CACNA1C: variants seen among roughly 807,000 people sequenced by gnomAD.
CACNA1C encodes calcium voltage-gated channel subunit alpha1 C, also known as voltage-dependent L-type calcium channel subunit alpha-1C.
In CACNA1C, 30 loss-of-function variants were observed where a neutral mutation model predicts 229.0. That is an observed-to-expected ratio of 0.13 (90% CI 0.10 to 0.18). CACNA1C has a LOEUF of 0.18. CACNA1C is among the 10% of genes least tolerant of loss of function. The pLI is 1.00. For synonymous variants in CACNA1C, 1,114 were observed against 1,132.5 expected, an observed-to-expected ratio of 0.98 and a Z score of 0.33; for missense variants, 1,658 against 2,845.0, an observed-to-expected ratio of 0.58 and a Z score of 9.49.
At chr12:2,155,989 C>T (rs146505523) in intron 3 of CACNA1C, among the ~76,000 whole-genome samples, 2,249 of 151,932 alleles carry the variant, frequency 0.015, 32 homozygotes, top group African/African-American at 0.034. Flanking sequence ...AGAGTAAAGA[C>T]GCAAATAAAA....
At chr12:2,643,907 C>A (rs977394524) in intron 30 of CACNA1C, among the ~76,000 whole-genome samples, 4 of 152,164 alleles carry the variant, frequency 2.6e-5, no homozygotes, top group African/African-American at 9.7e-5. Context: ...CACCATGACA[C>A]CCCCCAACAG....
intron 3 of CACNA1C, among the ~76,000 whole-genome samples, chr12:2,207,323 T>G (rs950697750): frequency 6.6e-6 from 1 of 152,256 alleles, no homozygotes; most frequent in African/African-American, 2.4e-5. Flanking sequence ...GCTGACGGGC[T>G]TCTGCACATT....
chr12:2,137,934 G>A (rs537158170), intron 3 of CACNA1C, among the ~76,000 whole-genome samples: 24 of 151,488 alleles, frequency 1.6e-4, no homozygotes, highest in South Asian at 1.5e-3. Context: ...CCGACACATC[G>A]CCTCACACAG....
chr12:2,415,195 T>C (rs563729037), intron 3 of CACNA1C, among the ~76,000 whole-genome samples: 46 of 152,354 alleles, frequency 3.0e-4, no homozygotes, highest in African/African-American at 1.1e-3. Flanking sequence ...ATTTGCCTTT[T>C]TATTCTCCTT....
chr12:2,454,158 C>A (rs993799805), intron 4 of CACNA1C, among the ~76,000 whole-genome samples: 1 of 152,178 alleles, frequency 6.6e-6, no homozygotes. Flanking sequence ...CTTTGAGTCA[C>A]CCCTCCTTGT....
intron 3 of CACNA1C, among the ~76,000 whole-genome samples, chr12:2,249,572 CTCCTCTG>C (rs2074734372): frequency 6.6e-6 from 1 of 152,148 alleles, no homozygotes. Flanking sequence ...CCTGCTGGTA[CTCCTCTG>C]CAGTTCGTCA....
At chr12:2,248,438 T>C (rs2074242715) in intron 3 of CACNA1C, among the ~76,000 whole-genome samples, 1 of 152,224 alleles carries the variant, frequency 6.6e-6, no homozygotes, top group South Asian at 2.1e-4. Context: ...CTCACTGGGC[T>C]CCATTTTCCA....
At position 2,029,795 on chromosome 12, in the gene CACNA1C, C is replaced by T. The variant is rs542099801; in HGVS notation, c.139+58594C>T. On this transcript the variant is annotated intron_variant, in intron 1 of 46. Coordinates refer to the CACNA1C transcript ENST00000682462. This position sits in a 1 kb window ranked among gnomAD's most constrained non-coding sequence, Gnocchi z 4.9. The stretch of plus-strand genomic sequence containing the variant: ...TACAGAAAACTTGTTTCTGGTTTCT[C>T]GGGTCAGGAGACCAACAGCAGAGAA... 5.9e-5 allele frequency among the ~76,000 whole-genome samples: 9 copies of T among 152,306 alleles called. No individual in the cohort carries two copies. In the South Asian group the frequency reaches 8.3e-4, roughly 14 times the overall value.
At chr12:2,337,763 G>A (rs1234686829) in intron 3 of CACNA1C, among the ~76,000 whole-genome samples, 1 of 152,234 alleles carries the variant, frequency 6.6e-6, no homozygotes, top group Non-Finnish European at 1.5e-5. Flanking sequence ...GGGCTGCCCA[G>A]AGGAACTGAG....
rs549283918 is a variant in CACNA1C at position 2,502,408 on chromosome 12, C to T, written c.1114-2434C>T. Among the ~76,000 whole-genome samples the T allele has an allele frequency of 4.6e-5, 7 of 152,308 alleles. No individual in the cohort carries two copies. The East Asian group carries it at 7.7e-4, about 17-fold the overall frequency. ...TGGAAGACAAACAGCAAATAATACA[C>T]GTAATAAATAGGTAATGATACAGTT... On this transcript the variant is annotated intron_variant, in intron 7 of 46. Coordinates refer to ENST00000399655, the MANE Select transcript of CACNA1C (RefSeq NM_000719.7).
intron 11 of CACNA1C, among the ~76,000 whole-genome samples, chr12:2,558,234 A>G (rs1204842660): frequency 6.6e-6 from 1 of 152,180 alleles, no homozygotes; most frequent in Non-Finnish European, 1.5e-5. Flanking sequence ...TGGTCCTAGA[A>G]GCCACGCGAG....
chr12:2,426,247 G>T (rs533675754), intron 3 of CACNA1C, among the ~76,000 whole-genome samples: 58 of 152,250 alleles, frequency 3.8e-4, no homozygotes, highest in African/African-American at 1.3e-3. Context: ...TGCCTTTGCC[G>T]TGAAGGACTG....
intron 3 of CACNA1C, among the ~76,000 whole-genome samples, chr12:2,135,635 G>A (rs1302581624): frequency 1.4e-5 from 2 of 141,052 alleles, no homozygotes; most frequent in South Asian, 2.2e-4. Context: ...CAGGGGTCAG[G>A]GACCCACTTG....
intron 30 of CACNA1C, among the ~76,000 whole-genome samples, chr12:2,640,683 C>A (rs572770451): frequency 3.3e-5 from 5 of 152,292 alleles, no homozygotes; most frequent in Admixed American, 6.5e-5. Flanking sequence ...ATACTGGTCC[C>A]AAGTCTTCCC....
intron 1 of CACNA1C, among the ~76,000 whole-genome samples, chr12:2,045,089 G>A (rs1430735779): frequency 6.6e-6 from 1 of 152,198 alleles, no homozygotes; most frequent in Admixed American, 6.5e-5. Flanking sequence ...TTTGCCAAGA[G>A]TTATATTAGT....
rs151334346 is a variant in CACNA1C, at chr12:2,483,256, A to G, written c.758-2848A>G. Among the ~76,000 whole-genome samples, 1,222 of 152,310 alleles carry G rather than the reference A, an allele frequency of 8.0e-3. 26 individuals carry two copies. The highest frequency in any genetic ancestry group is 0.027 in the African/African-American group (1,142 of 41,566). On this transcript the variant is annotated intron_variant, in intron 5 of 46. Coordinates refer to ENST00000399655, the MANE Select transcript of CACNA1C (RefSeq NM_000719.7). Reference sequence around the variant, plus strand: ...GGAGTCATTTGAGACCAAACTGGGGAAGGAGGCAGGTTAGTTTACCTGCAG... The same window carrying G: ...GGAGTCATTTGAGACCAAACTGGGGGAGGAGGCAGGTTAGTTTACCTGCAG...
chr12:1,993,077 C>T (rs776920315), intron 1 of CACNA1C: 1 of 807,184 alleles, frequency 1.2e-6, no homozygotes, highest in Admixed American at 1.9e-5. Context: ...TTCACTTAAA[C>T]TCTTCCAAGG....
At chr12:2,362,525 G>A (rs529330181) in intron 3 of CACNA1C, among the ~76,000 whole-genome samples, 1 of 152,090 alleles carries the variant, frequency 6.6e-6, no homozygotes, top group Non-Finnish European at 1.5e-5. Flanking sequence ...CTTATTTCAA[G>A]ACCACACAGT....
intron 1 of CACNA1C, among the ~76,000 whole-genome samples, chr12:2,105,025 G>A (rs118040637): frequency 0.011 from 1,642 of 152,312 alleles, 16 homozygotes; most frequent in Middle Eastern, 0.02. Flanking sequence ...TCCTCTCACC[G>A]AAGCAGTGTT....
Sources: gnomAD v4.1 joint callset for allele counts (sites outside exome capture counted in the v4.1 genomes callset) on GRCh38, gnomAD v4.1.1 for gene constraint, Gnocchi (gnomAD v3.1) non-coding constraint, MANE v1.5 for transcripts, NCBI Gene and HGNC (gene_info 2026-07-23, HGNC 2026-07-21) for gene names.